Variants in LYST observed in about 807,000 individuals in gnomAD.
LYST encodes the protein lysosomal-trafficking regulator.
In LYST, 192 loss-of-function variants were observed where a neutral mutation model predicts 413.6. The observed-to-expected ratio is 0.46, with a 90% confidence interval of 0.41 to 0.52. The LOEUF (loss-of-function observed/expected upper bound fraction) is 0.52. LYST is among the 20% of genes least tolerant of loss of function. LYST has a pLI of 0.00. For missense variants in LYST, 3,815 were observed against 4,499.9 expected (o/e 0.85, Z 4.35); for synonymous variants, 1,525 against 1,567.3 (o/e 0.97, Z 0.64).
In LYST at chr1:235,711,979, G is replaced by C. The variant is rs949881681; in HGVS notation, c.9925+78C>G. On this transcript the variant is annotated intron_variant, in intron 43 of 52. Coordinates refer to ENST00000389793, the MANE Select transcript of LYST (RefSeq NM_000081.4). ...TCAAAAATTTTTAGGACTTAAAAAA[G>C]CTATTTTCATTTTTGGAAAATTACA... 3.3e-6 allele frequency: 4 copies of C among 1,198,974 alleles called. No individual in the cohort carries two copies. The Admixed American group carries it at 1.1e-4, about 34-fold the overall frequency. 74.3% of individuals were successfully genotyped at this position (1,198,974 alleles called of 1,614,324 possible).
intron 1 of LYST, among the ~76,000 whole-genome samples, chr1:235,845,241 C>A (rs1677682099): frequency 6.6e-6 from 1 of 152,202 alleles, no homozygotes; most frequent in African/African-American, 2.4e-5. Flanking sequence ...GGTCTGTTTG[C>A]TGGAGAAGTT....
intron 37 of LYST, among the ~76,000 whole-genome samples, chr1:235,728,629 T>G (rs1482525594): frequency 1.3e-5 from 2 of 152,194 alleles, no homozygotes; most frequent in Non-Finnish European, 2.9e-5. Context: ...TCCTGTTTCA[T>G]AGGCTGGCTG....
intron 1 of LYST, among the ~76,000 whole-genome samples, chr1:235,838,035 A>G (rs1676755915): frequency 6.6e-6 from 1 of 152,346 alleles, no homozygotes; most frequent in African/African-American, 2.4e-5. Flanking sequence ...GAACAGTGGC[A>G]GTTCATCTAA....
intron 1 of LYST, among the ~76,000 whole-genome samples, chr1:235,844,231 TACAAC>T (rs1434623626): frequency 6.6e-6 from 1 of 151,442 alleles, no homozygotes; most frequent in Admixed American, 6.6e-5. Flanking sequence ...ATATAGTCTT[TACAAC>T]ACATCAGTAA....
upstream of LYST, among the ~76,000 whole-genome samples, chr1:235,869,895 C>G (rs13376224): frequency 0.011 from 1,727 of 152,210 alleles, 43 homozygotes; most frequent in African/African-American, 0.038. Flanking sequence ...AGATACAGTC[C>G]TGCTTTAAGG....
intron 14 of LYST, among the ~76,000 whole-genome samples, chr1:235,784,068 C>T (rs773713016): frequency 1.3e-5 from 2 of 151,946 alleles, no homozygotes; most frequent in South Asian, 4.1e-4. Flanking sequence ...TTAGTGGAGA[C>T]AGGGATTTTC....
At chr1:235,669,430 C>G (rs1255601047) in intron 50 of LYST, among the ~76,000 whole-genome samples, 1 of 152,260 alleles carries the variant, frequency 6.6e-6, no homozygotes, top group African/African-American at 2.4e-5. Context: ...ACGTTTTCTG[C>G]TGGCAGATGG....
At chr1:235,812,003 A>G (rs148941493) in intron 4 of LYST, among the ~76,000 whole-genome samples, 136 of 152,294 alleles carry the variant, frequency 8.9e-4, no homozygotes, top group African/African-American at 2.8e-3. Flanking sequence ...TTAAAATACA[A>G]TAATTTTTTT....
Position 235,808,830 on chromosome 1 carries a change from A to G in LYST, c.1988T>C (p.Leu663Pro), listed in dbSNP as rs1349597556. The change falls in exon 5 of 53, where the codon CTC becomes CCC. Residue 663 changes from leucine (L) to proline (P), a missense_variant. This residue lies in a region of LYST where 1,648 missense variants were observed against 1,810.3 expected (regional missense o/e 0.91). Transcript: ENST00000389793. ...AGAAGGACTGGATAAACTTGAGGAG[A>G]GTTCAGCATCACATAAGTTTCCCTG... ...TLQGNLCDAE[L>P]SSSLSSPSYR... 7.4e-6 allele frequency: 12 copies of G among 1,614,064 alleles called. No individual in the cohort carries two copies. The highest frequency in any genetic ancestry group is 9.3e-6 in the Non-Finnish European group (11 of 1,180,010).
At chr1:235,786,160 C>T (rs1401942270) in intron 14 of LYST, among the ~76,000 whole-genome samples, 1 of 152,136 alleles carries the variant, frequency 6.6e-6, no homozygotes, top group Non-Finnish European at 1.5e-5. Flanking sequence ...TATAGTTATA[C>T]ATAAATGTCT....
chr1:235,809,842 T>C lies in LYST; in HGVS notation c.976A>G (p.Met326Val). The C allele has an allele frequency of 3.7e-6, 6 of 1,613,990 alleles. No individual in the cohort carries two copies. Among genetic ancestry groups the C allele is most frequent in the Non-Finnish European group, 5.1e-6 (6 of 1,179,982 alleles). Residue 326 changes from methionine (M) to valine (V), a missense_variant, in exon 5 of 53, where the codon ATG (methionine) becomes GTG (valine). Met to Val is a conservative substitution (Grantham distance 21). Transcript: ENST00000389793. The surrounding 1 kb of genome is among the most constrained non-coding windows in gnomAD (Gnocchi z 4.0). ...TEEPVALIQR[M>V]LFRTVLHLLS... is the part of the protein sequence containing the mutation. ...AGATGCAACACTGTTCGAAAGAGCA[T>C]CCTTTGAATCAAAGCCACCGGTTCT...
chr1:235,854,456 C>G lies in LYST; in HGVS notation c.-98+12387G>C, dbSNP rs1389751838. On this transcript the variant is annotated intron_variant, in intron 1 of 52. Transcript: ENST00000389793. This position sits in a 1 kb window ranked among gnomAD's most constrained non-coding sequence, Gnocchi z 4.1. ...CTTCATTCCTCTTTCAGTAAATGGCCTCTACCCAGTGACTGAGGTGAGAAA... is the reference window on the plus strand; with the variant it reads ...CTTCATTCCTCTTTCAGTAAATGGCGTCTACCCAGTGACTGAGGTGAGAAA... Among the ~76,000 whole-genome samples the G allele has an allele frequency of 2.0e-5, 3 of 152,252 alleles. No homozygotes were observed. Among genetic ancestry groups the G allele is most frequent in the African/African-American group, 7.2e-5 (3 of 41,524 alleles).
intron 46 of LYST, among the ~76,000 whole-genome samples, chr1:235,695,995 A>T (rs764152449): frequency 3.3e-5 from 5 of 152,328 alleles, no homozygotes; most frequent in Middle Eastern, 3.4e-3. Flanking sequence ...TGGTATTATT[A>T]GTAAATTACT....
At chr1:235,730,150 G>T (rs1483479864) in intron 36 of LYST, among the ~76,000 whole-genome samples, 4 of 151,938 alleles carry the variant, frequency 2.6e-5, no homozygotes, top group Admixed American at 2.6e-4. Context: ...GAATCAGAAA[G>T]TTCCTTTGTG....
At chr1:235,787,499 G>T in intron 13 of LYST, 126 bp from the exon 14 acceptor site, 1 of 813,764 alleles carries the variant, frequency 1.2e-6, no homozygotes, top group Non-Finnish European at 2.0e-6. Context: ...TTTTTAAAGT[G>T]CTTGAAAAGT....
chr1:235,880,665 G>A (rs922503821), intron 1 of LYST, among the ~76,000 whole-genome samples: 3 of 152,076 alleles, frequency 2.0e-5, no homozygotes, highest in African/African-American at 7.2e-5. Context: ...CCTTCTCTGT[G>A]CCTATTCCTT....
chr1:235,793,402 AG>A (rs1671222344), intron 11 of LYST, 100 bp downstream of exon 11: 2 of 621,680 alleles, frequency 3.2e-6, no homozygotes, highest in African/African-American at 3.7e-5. Context: ...ATCAAAAGAA[AG>A]AGCTTAGTAA....
At position 235,662,990 on chromosome 1, in the gene LYST, A is replaced by AGCGCT. The variant is rs1312609398; in HGVS notation, c.11351_11355dup (p.Leu3786SerfsTer3). ...AAGGAATAGAACATTGGCTGTTTCA[A>AGCGCT]GCGCTGCTGGTCCTTCCGACACCAG... On this transcript the variant is annotated frameshift_variant, in exon 53 of 53. Coordinates refer to ENST00000389793, the MANE Select transcript of LYST (RefSeq NM_000081.4). LOFTEE classifies it high-confidence loss of function. 6.2e-7 allele frequency: 1 copy of AGCGCT among 1,613,732 alleles called. No individual in the cohort carries two copies. The highest frequency in any genetic ancestry group is 8.5e-7 in the Non-Finnish European group (1 of 1,179,712).
intron 45 of LYST, among the ~76,000 whole-genome samples, chr1:235,701,811 G>C (rs951409008): frequency 6.6e-6 from 1 of 152,158 alleles, no homozygotes; most frequent in Non-Finnish European, 1.5e-5. Flanking sequence ...CCATATTAAT[G>C]CTTTAAAATT....
Sources: gnomAD v4.1 joint callset for allele counts (sites outside exome capture counted in the v4.1 genomes callset) on GRCh38, gnomAD v4.1.1 for gene constraint, gnomAD v4.1.1 regional missense constraint, Gnocchi (gnomAD v3.1) non-coding constraint, MANE v1.5 for transcripts, NCBI Gene and HGNC (gene_info 2026-07-23, HGNC 2026-07-21) for gene names.